Variants in GLIPR2 observed in about 807,000 individuals in gnomAD.
GLIPR2 encodes Golgi-associated plant pathogenesis-related protein 1.
A neutral mutation model predicts 20.4 loss-of-function variants in GLIPR2; 21 were observed. That is an observed-to-expected ratio of 1.03 (90% CI 0.73 to 1.48). The LOEUF (loss-of-function observed/expected upper bound fraction) is 1.48. Among genes scored for constraint, GLIPR2 ranks in the 40% most tolerant of loss-of-function variants. The pLI is 0.00. For missense variants in GLIPR2, 205 were observed against 200.1 expected (o/e 1.02, Z -0.15); for synonymous variants, 91 against 80.5 (o/e 1.13, Z -0.70).
At chr9:36,142,717 C>T (rs1357737854) in intron 1 of GLIPR2, among the ~76,000 whole-genome samples, 1 of 152,106 alleles carries the variant, frequency 6.6e-6, no homozygotes, top group East Asian at 1.9e-4. Context: ...TTTTCTTCCT[C>T]CTCTTTATCT....
intron 4 of GLIPR2, chr9:36,151,179 GT>G: frequency 1.8e-6 from 1 of 562,256 alleles, no homozygotes; most frequent in South Asian, 2.0e-5. Flanking sequence ...CCACCAGCTG[GT>G]GAATCCTGCC....
chr9:36,141,720 C>CA (rs781144352), intron 1 of GLIPR2: 7 of 421,410 alleles, frequency 1.7e-5, no homozygotes, highest in Non-Finnish European at 2.8e-5. Context: ...GTGGTGCGAT[C>CA]ATGGCTCACT....
At chr9:36,150,429 C>T (rs977455759) in intron 3 of GLIPR2, among the ~76,000 whole-genome samples, 5 of 152,190 alleles carry the variant, frequency 3.3e-5, no homozygotes, top group African/African-American at 1.2e-4. Context: ...GCCTGATTGT[C>T]TTTCCAAATA....
chr9:36,149,166 C>T (rs1348172725), intron 3 of GLIPR2, among the ~76,000 whole-genome samples: 1 of 152,252 alleles, frequency 6.6e-6, no homozygotes, highest in African/African-American at 2.4e-5. Context: ...TGTCTCCATG[C>T]AAGGTCTCGA....
chr9:36,149,034 T>G (rs7874594), intron 3 of GLIPR2, among the ~76,000 whole-genome samples: 40,219 of 152,156 alleles, frequency 0.26, 5,333 homozygotes, highest in Non-Finnish European at 0.3. Context: ...TCCCGAGAAA[T>G]TTTACTTTCT....
Position 36,148,434 on chromosome 9 carries a change from C to T in GLIPR2, c.123-113C>T, listed in dbSNP as rs1443280739. 4 of 687,848 alleles carry T rather than the reference C, an allele frequency of 5.8e-6. No homozygotes were observed. In the East Asian group the frequency reaches 1.1e-4, roughly 19 times the overall value. 42.6% of individuals were successfully genotyped at this position (687,848 alleles called of 1,614,324 possible). A position where few individuals can be genotyped will look rare whatever the true frequency, so the allele number is the denominator to read the frequency against. On this transcript the variant is annotated intron_variant, in intron 2 of 4. Transcript: ENST00000377960. Reference sequence around the variant, plus strand: ...GCTCAGAAATCATGCAAGAGTGGTGCTCCTCTGTGAGCCCGGGGCAGGGAA... The same window carrying T: ...GCTCAGAAATCATGCAAGAGTGGTGTTCCTCTGTGAGCCCGGGGCAGGGAA...
intron 1 of GLIPR2, among the ~76,000 whole-genome samples, chr9:36,137,772 A>G (rs1200652491): frequency 6.6e-6 from 1 of 152,248 alleles, no homozygotes; most frequent in Non-Finnish European, 1.5e-5. Flanking sequence ...AACAGGATTC[A>G]GAAGTCCTGC....
rs1207197744 is a variant in GLIPR2, at chr9:36,136,961, G to A, written c.13+170G>A. Reference sequence around the variant, plus strand: ...GGCGCGGTTTCCGGGGAACCCGGGGGGAAGGCGAGCCCGAGGGAGGCCCCC... The same window carrying A: ...GGCGCGGTTTCCGGGGAACCCGGGGAGAAGGCGAGCCCGAGGGAGGCCCCC... On this transcript the variant is annotated intron_variant, in intron 1 of 4. Transcript: ENST00000377960. This position sits in a 1 kb window ranked among gnomAD's most constrained non-coding sequence, Gnocchi z 4.3. The A allele has an allele frequency of 6.4e-6, 5 of 785,392 alleles. No individual in the cohort carries two copies. Among genetic ancestry groups the A allele is most frequent in the Non-Finnish European group, 8.6e-6 (5 of 581,564 alleles). 48.7% of individuals were successfully genotyped at this position (785,392 alleles called of 1,614,324 possible).
chr9:36,141,102 A>G (rs1380260701), intron 1 of GLIPR2, among the ~76,000 whole-genome samples: 1 of 152,246 alleles, frequency 6.6e-6, no homozygotes, highest in African/African-American at 2.4e-5. Context: ...TTGGCATTTA[A>G]TACCTGTTCA....
At chr9:36,154,046 C>T (rs1261608310) in intron 4 of GLIPR2, among the ~76,000 whole-genome samples, 5 of 135,188 alleles carry the variant, frequency 3.7e-5, no homozygotes, top group Non-Finnish European at 8.0e-5. Context: ...GAAACAATGT[C>T]TTATCATATT....
At chr9:36,159,896 G>A (rs1191994492) in intron 4 of GLIPR2, among the ~76,000 whole-genome samples, 2 of 152,098 alleles carry the variant, frequency 1.3e-5, no homozygotes, top group Non-Finnish European at 2.9e-5. Flanking sequence ...AACATGGGAG[G>A]TGGAGGCTGC....
At chr9:36,139,917 C>G (rs1308591987) in intron 1 of GLIPR2, among the ~76,000 whole-genome samples, 4 of 152,192 alleles carry the variant, frequency 2.6e-5, no homozygotes, top group African/African-American at 9.7e-5. Context: ...GTCCCTAATA[C>G]TGGTGACACC....
At chr9:36,150,647 G>A (rs1432383659) in intron 3 of GLIPR2, among the ~76,000 whole-genome samples, 1 of 152,184 alleles carries the variant, frequency 6.6e-6, no homozygotes, top group African/African-American at 2.4e-5. Context: ...CCCCAGGCCA[G>A]TGCTCTTCCC....
At chr9:36,159,733 A>G (rs10972764) in intron 4 of GLIPR2, among the ~76,000 whole-genome samples, 3,733 of 152,198 alleles carry the variant, frequency 0.025, 66 homozygotes, top group Middle Eastern at 0.031. Flanking sequence ...TGGCTGGGCC[A>G]AGGCGAGTGA....
rs1185981204 is a variant in GLIPR2 at position 36,148,626 on chromosome 9, G to C, written c.202G>C (p.Ala68Pro). 6.2e-7 allele frequency: 1 copy of C among 1,613,476 alleles called. No individual in the cohort carries two copies. The highest frequency in any genetic ancestry group is 1.7e-5 in the Admixed American group (1 of 60,020). The change falls in exon 3 of 5, where the codon GCA (alanine) becomes CCA (proline). Residue 68 changes from alanine (A) to proline (P), a missense_variant. Coordinates refer to ENST00000377960, the MANE Select transcript of GLIPR2 (RefSeq NM_022343.4). ...CCGTGGCCAGTGTGGGGAGAACCTT[G>C]CATGGGCATCCTATGATCAGACAGG... ...SSRGQCGENL[A>P]WASYDQTGKE... is the part of the protein sequence containing the mutation.
intron 2 of GLIPR2, 128 bp downstream of exon 2, chr9:36,148,022 C>A (rs556927272): frequency 5.7e-6 from 4 of 695,704 alleles, no homozygotes; most frequent in African/African-American, 1.8e-5. Flanking sequence ...CCAAGGCGGG[C>A]GGATCACCTG....
intron 1 of GLIPR2, among the ~76,000 whole-genome samples, chr9:36,147,137 ATTTC>A (rs1312416088): frequency 6.6e-6 from 1 of 152,116 alleles, no homozygotes; most frequent in African/African-American, 2.4e-5. Flanking sequence ...TTCTCGAGGT[ATTTC>A]TTAATTCAGT....
chr9:36,153,548 C>A (rs1460180080), intron 4 of GLIPR2, among the ~76,000 whole-genome samples: 1 of 152,154 alleles, frequency 6.6e-6, no homozygotes, highest in African/African-American at 2.4e-5. Flanking sequence ...CTCCTCCTTG[C>A]TGCATCTCTG....
chr9:36,159,921 A>T (rs1242405040), intron 4 of GLIPR2, among the ~76,000 whole-genome samples: 1 of 152,156 alleles, frequency 6.6e-6, no homozygotes, highest in Non-Finnish European at 1.5e-5. Flanking sequence ...AGCCGAGATC[A>T]CGCTACTGTA....
Sources: gnomAD v4.1 joint callset for allele counts (sites outside exome capture counted in the v4.1 genomes callset) on GRCh38, gnomAD v4.1.1 for gene constraint, Gnocchi (gnomAD v3.1) non-coding constraint, MANE v1.5 for transcripts, NCBI Gene and HGNC (gene_info 2026-07-23, HGNC 2026-07-21) for gene names.